AK7: variants seen among roughly 807,000 people sequenced by gnomAD.
The protein encoded by AK7 is ATP-AMP transphosphorylase 7.
AK7 carries 78 observed loss-of-function variants against 96.6 expected under a neutral mutation model. The ratio of observed to expected loss-of-function variants is 0.81; its 90% CI spans 0.67 to 0.97. The LOEUF is 0.97. Ranked by LOEUF, AK7 falls within the 50% of genes least tolerant of loss-of-function variation. The probability of loss-of-function intolerance (pLI) is 0.00; values close to 1 mark genes in which losing one functional copy is unlikely to be tolerated. For synonymous variants in AK7, 302 were observed against 317.2 expected (o/e 0.95, Z 0.51); for missense variants, 855 against 887.9 (o/e 0.96, Z 0.47).
At position 96,489,054 on chromosome 14, in the gene AK7, A is replaced by C. The variant is rs1895929615; in HGVS notation, c.*711A>C. The C allele has an allele frequency of 6.6e-6, 1 of 152,236 alleles. No homozygotes were observed. The highest frequency in any genetic ancestry group is 2.4e-5 in the African/African-American group (1 of 41,462). 9.4% of individuals were successfully genotyped at this position (152,236 alleles called of 1,614,324 possible). On this transcript the variant is annotated 3_prime_UTR_variant, in exon 18 of 18. Transcript: ENST00000267584. ...ATCCTATAGTCTTTTCCAGTTCTAA[A>C]AATCCCATAAGATTCCTAGAATTAC...
chr14:96,406,479 G>A (rs1890720087), intron 3 of AK7, among the ~76,000 whole-genome samples: 1 of 152,122 alleles, frequency 6.6e-6, no homozygotes, highest in African/African-American at 2.4e-5. Context: ...TCTATTTAGA[G>A]GAAAACTTTT....
At chr14:96,392,571 A>G (rs1176501696) in intron 1 of AK7, among the ~76,000 whole-genome samples, 1 of 152,238 alleles carries the variant, frequency 6.6e-6, no homozygotes, top group Non-Finnish European at 1.5e-5. Context: ...TTGAGGCCAG[A>G]ACCTGGACAG....
chr14:96,408,516 G>T (rs1890852569), intron 3 of AK7, among the ~76,000 whole-genome samples: 1 of 152,226 alleles, frequency 6.6e-6, no homozygotes, highest in African/African-American at 2.4e-5. Context: ...ATGGCCAGAG[G>T]CCAGAAAACA....
At position 96,399,852 on chromosome 14, in the gene AK7, A is replaced by G. The variant is rs991090223; in HGVS notation, c.294+1589A>G. On this transcript the variant is annotated intron_variant, in intron 2 of 17. Coordinates refer to ENST00000267584, the MANE Select transcript of AK7 (RefSeq NM_152327.5). The surrounding 1 kb of genome is among the most constrained non-coding windows in gnomAD (Gnocchi z 4.1). ...GCTCACTCCCTTCCTACAACAGATGACCTTCCTAAATCTTATCCAACCCTA... is the reference window on the plus strand; with the variant it reads ...GCTCACTCCCTTCCTACAACAGATGGCCTTCCTAAATCTTATCCAACCCTA... Among the ~76,000 whole-genome samples, 2 of 151,786 alleles carry G rather than the reference A, an allele frequency of 1.3e-5. No homozygotes were observed. The highest frequency in any genetic ancestry group is 2.9e-5 in the Non-Finnish European group (2 of 67,952).
At chr14:96,446,003 AC>A (rs1893211311) in intron 7 of AK7, among the ~76,000 whole-genome samples, 1 of 152,214 alleles carries the variant, frequency 6.6e-6, no homozygotes, top group South Asian at 2.1e-4. Flanking sequence ...GCGCTCGGAA[AC>A]CTTGGCAACT....
intron 12 of AK7, among the ~76,000 whole-genome samples, chr14:96,471,277 G>A (rs556129541): frequency 6.7e-6 from 1 of 148,908 alleles, no homozygotes; most frequent in African/African-American, 2.5e-5. Flanking sequence ...ACTGCAGTGA[G>A]CTATGACCAC....
intron 9 of AK7, among the ~76,000 whole-genome samples, chr14:96,450,797 C>T (rs1194868490): frequency 1.2e-4 from 14 of 112,998 alleles, no homozygotes; most frequent in African/African-American, 3.2e-4. Flanking sequence ...TTTTTTGAGA[C>T]GGAGTCTCAC....
intron 12 of AK7, among the ~76,000 whole-genome samples, chr14:96,460,914 T>G (rs1894217190): frequency 6.6e-6 from 1 of 152,160 alleles, no homozygotes; most frequent in Admixed American, 6.5e-5. Context: ...CCTCCTCCCC[T>G]CCACCAGATC....
chr14:96,392,479 A>C (rs1398778246), intron 1 of AK7, among the ~76,000 whole-genome samples: 1 of 152,164 alleles, frequency 6.6e-6, no homozygotes, highest in Non-Finnish European at 1.5e-5. Flanking sequence ...TCTGGAAATC[A>C]CTGGTCCATC....
chr14:96,406,355 G>A (rs2140000213), intron 3 of AK7, among the ~76,000 whole-genome samples: 1 of 152,344 alleles, frequency 6.6e-6, no homozygotes, highest in Middle Eastern at 3.4e-3. Context: ...TCAAGGAAAT[G>A]TAACCTTTTC....
chr14:96,441,426 G>A (rs975865023), intron 6 of AK7, among the ~76,000 whole-genome samples: 3 of 151,502 alleles, frequency 2.0e-5, no homozygotes, highest in African/African-American at 7.3e-5. Flanking sequence ...ATCACCTGAG[G>A]TCAGGAGTTC....
At chr14:96,478,327 G>A (rs1450218399) in intron 14 of AK7, 138 bp from the exon 15 acceptor site, 1 of 777,156 alleles carries the variant, frequency 1.3e-6, no homozygotes, top group South Asian at 1.7e-5. Context: ...CTCCATGAGA[G>A]GCAGCAAAGC....
chr14:96,400,953 A>G (rs1890375204), intron 2 of AK7, among the ~76,000 whole-genome samples: 1 of 152,192 alleles, frequency 6.6e-6, no homozygotes, highest in African/African-American at 2.4e-5. Context: ...CTCGCCTTCC[A>G]TCAAAGCTGA....
chr14:96,484,589 C>CATG (rs560217570), intron 16 of AK7, among the ~76,000 whole-genome samples: 30 of 152,228 alleles, frequency 2.0e-4, no homozygotes, highest in Non-Finnish European at 4.1e-4. Context: ...TGGTCATCTG[C>CATG]ATGACTCATT....
At chr14:96,458,295 A>C in intron 12 of AK7, 83 bp downstream of exon 12, 2 of 1,527,716 alleles carry the variant, frequency 1.3e-6, no homozygotes, top group Non-Finnish European at 8.8e-7. Flanking sequence ...GACTGTTTAA[A>C]AAAAAAAGAC....
chr14:96,434,360 C>T (rs1595408636), intron 5 of AK7, among the ~76,000 whole-genome samples: 1 of 152,280 alleles, frequency 6.6e-6, no homozygotes, highest in African/African-American at 2.4e-5. Flanking sequence ...CTCTGGATTA[C>T]CAGGCAGACT....
intron 13 of AK7, among the ~76,000 whole-genome samples, chr14:96,471,995 GT>G (rs1566807875): frequency 6.6e-6 from 1 of 151,580 alleles, no homozygotes; most frequent in Non-Finnish European, 1.5e-5. Flanking sequence ...AGTAACTTTT[GT>G]TTTTTCCCCT....
Position 96,471,607 on chromosome 14 carries a change from G to A in AK7, c.1486+1G>A, listed in dbSNP as rs1364239872. On this transcript the variant is annotated splice_donor_variant, in intron 13 of 17. Coordinates refer to ENST00000267584, the MANE Select transcript of AK7 (RefSeq NM_152327.5). LOFTEE classifies it high-confidence loss of function. ...GATCAAGCAAAAGACCTGTTCAATC[G>A]TAAGTTTGAGTGTTCTATTTTGAGT... The A allele has an allele frequency of 1.0e-5, 16 of 1,541,084 alleles. No homozygotes were observed. Among genetic ancestry groups the A allele is most frequent in the Middle Eastern group, 1.7e-4 (1 of 5,776 alleles).
At chr14:96,405,674 T>G (rs1333733089) in intron 3 of AK7, among the ~76,000 whole-genome samples, 1 of 152,162 alleles carries the variant, frequency 6.6e-6, no homozygotes, top group East Asian at 1.9e-4. Context: ...ACAAGGAAGT[T>G]GTGTATAAGA....
Sources: allele counts gnomAD v4.1 joint callset (sites outside exome capture counted in the v4.1 genomes callset), GRCh38; gene constraint gnomAD v4.1.1; non-coding constraint Gnocchi (gnomAD v3.1); transcripts MANE v1.5; gene names NCBI Gene and HGNC (gene_info 2026-07-23, HGNC 2026-07-21).